Variants in ALKBH1 observed in about 807,000 individuals in gnomAD.
ALKBH1 encodes nucleic acid dioxygenase ALKBH1.
A neutral mutation model predicts 36.6 loss-of-function variants in ALKBH1; 31 were observed. That is an observed-to-expected ratio of 0.85 (90% CI 0.64 to 1.14). The LOEUF (loss-of-function observed/expected upper bound fraction) is 1.14, where lower values mean the gene tolerates loss of function less well. Among genes scored for constraint, ALKBH1 ranks in the 50% most tolerant of loss-of-function variants. ALKBH1 has a pLI of 0.00. For missense variants in ALKBH1, 490 were observed against 497.3 expected (o/e 0.99, Z 0.14); for synonymous variants, 183 against 186.6 (o/e 0.98, Z 0.16).
In ALKBH1 at chr14:77,707,895, G is replaced by T; in HGVS notation, c.110C>A (p.Thr37Asn). 1 of 1,613,526 alleles carries T rather than the reference G, an allele frequency of 6.2e-7. No homozygotes were observed. ...GTCGATGACCCCTTCCAGGTCTGCG[G>T]TCCCGGGCCGGCTCTGACGGTAGAA... ...FRFYRQSRPG[T>N]ADLEGVIDFS... The change falls in exon 1 of 6, where the codon ACC (threonine) becomes AAC (asparagine). Residue 37 changes from threonine (T) to asparagine (N), a missense_variant. By Grantham distance (65) the Thr-to-Asn change is moderately conservative. Transcript: ENST00000216489.
At position 77,673,934 on chromosome 14, in the gene ALKBH1, C is replaced by T; in HGVS notation, c.1048G>A (p.Asp350Asn). 1.2e-6 allele frequency: 2 copies of T among 1,614,178 alleles called. No individual in the cohort carries two copies. The highest frequency in any genetic ancestry group is 1.7e-6 in the Non-Finnish European group (2 of 1,180,042). Reference protein sequence around the residue: ...NMTVRQVLATDQNFPLEPIED... With the variant: ...NMTVRQVLATNQNFPLEPIED... ...ATGGGTTCTAGAGGGAAATTCTGGT[C>T]TGTGGCCAGGACCTGTCGGACAGTC... is the stretch of plus-strand genomic sequence containing the variant. Residue 350 changes from aspartate to asparagine, a missense_variant, in exon 6 of 6, where the codon GAC becomes AAC. Asp to Asn is a conservative substitution (Grantham distance 23). Coordinates refer to ENST00000216489, the MANE Select transcript of ALKBH1 (RefSeq NM_006020.3).
intron 3 of ALKBH1, chr14:77,683,605 T>TCTGTCACCTAGG (rs2080251030): frequency 1.0e-5 from 4 of 392,444 alleles, no homozygotes; most frequent in Non-Finnish European, 1.9e-5. Flanking sequence ...GCAGTCTTGC[T>TCTGTCACCTAGG]CTGTCACCTA....
rs2080201589 is a variant in ALKBH1, at chr14:77,675,722, T to G, written c.674A>C (p.Asp225Ala). Reference sequence around the variant, plus strand: ...GTCTACGTGGATTCCCAGTGTGGAGTCCAGGCGGTAGTAATTCAGGATCCC... The same window carrying G: ...GTCTACGTGGATTCCCAGTGTGGAGGCCAGGCGGTAGTAATTCAGGATCCC... ...EAGILNYYRLDSTLGIHVDRS... is the reference protein window; with the variant it reads ...EAGILNYYRLASTLGIHVDRS... Residue 225 changes from aspartate (D) to alanine (A), a missense_variant, in exon 5 of 6, where the codon GAC (aspartate) becomes GCC (alanine). Transcript: ENST00000216489. 2 of 1,614,022 alleles carry G rather than the reference T, an allele frequency of 1.2e-6. No individual in the cohort carries two copies. The highest frequency in any genetic ancestry group is 1.6e-4 in the Middle Eastern group (1 of 6,062).
chr14:77,706,104 C>CATAT (rs72210300), intron 1 of ALKBH1, among the ~76,000 whole-genome samples: 22,171 of 147,314 alleles, frequency 0.15, 1,800 homozygotes, highest in Middle Eastern at 0.22. Context: ...TATACACACA[C>CATAT]ACATATATAT....
chr14:77,685,607 G>A (rs1438214092), intron 3 of ALKBH1, among the ~76,000 whole-genome samples: 2 of 151,628 alleles, frequency 1.3e-5, no homozygotes, highest in Non-Finnish European at 2.9e-5. Context: ...GTGAAACCTC[G>A]TCTCTACTAA....
intron 4 of ALKBH1, 115 bp from the exon 5 acceptor site, chr14:77,675,964 T>C: frequency 4.6e-6 from 4 of 862,988 alleles, no homozygotes; most frequent in Non-Finnish European, 7.0e-6. Context: ...TATTAACATA[T>C]TAACACAGCA....
chr14:77,677,348 A>G (rs2139843609), intron 4 of ALKBH1, among the ~76,000 whole-genome samples: 1 of 152,216 alleles, frequency 6.6e-6, no homozygotes, highest in Non-Finnish European at 1.5e-5. Context: ...CCTGGCCATA[A>G]TACTCTCTAT....
In ALKBH1 at chr14:77,675,754, A is replaced by T; in HGVS notation, c.642T>A (p.Ala214=). The change falls in exon 5 of 6, where the codon GCT becomes GCA. Residue 214 remains alanine, a synonymous_variant. Coordinates refer to ENST00000216489, the MANE Select transcript of ALKBH1 (RefSeq NM_006020.3). ...GGTAGTAATTCAGGATCCCTGCTTC[A>T]GCTCGGAAATCCTCAAATCCACAGG... The part of the protein sequence containing the change: ...AAACGFEDFR[A]EAGILNYYRL... The T allele has an allele frequency of 6.2e-7, 1 of 1,614,174 alleles. No individual in the cohort carries two copies. The highest frequency in any genetic ancestry group is 8.5e-7 in the Non-Finnish European group (1 of 1,180,026).
intron 2 of ALKBH1, chr14:77,697,031 G>A (rs956679037): frequency 1.2e-5 from 2 of 173,414 alleles, no homozygotes; most frequent in African/African-American, 4.7e-5. Context: ...TGGGGCTGGT[G>A]GCCCAAAGCC....
At chr14:77,693,922 G>A (rs55909252) in intron 3 of ALKBH1, among the ~76,000 whole-genome samples, 24,363 of 152,032 alleles carry the variant, frequency 0.16, 2,013 homozygotes, top group East Asian at 0.25. Context: ...AGGAGGCAGA[G>A]GTTGCAGTGA....
At chr14:77,680,088 A>T in intron 3 of ALKBH1, 118 bp from the exon 4 acceptor site, 2 of 712,652 alleles carry the variant, frequency 2.8e-6, no homozygotes, top group Middle Eastern at 2.4e-4. Flanking sequence ...GCCAAGACTC[A>T]GTAGGAGAAA....
In ALKBH1 at chr14:77,694,861, T is replaced by C; in HGVS notation, c.332A>G (p.Gln111Arg). 1 of 1,583,094 alleles carries C rather than the reference T, an allele frequency of 6.3e-7. No individual in the cohort carries two copies. The highest frequency in any genetic ancestry group is 2.3e-5 in the East Asian group (1 of 43,696). ...FIPNPFLPGY[Q>R]WHWVKQCLKL... ...AAGGCACTGTTTCACCCAGTGCCACTGGTAACCTGGGAGGAAGGGGTTTGG... is the reference window on the plus strand; with the variant it reads ...AAGGCACTGTTTCACCCAGTGCCACCGGTAACCTGGGAGGAAGGGGTTTGG... The change falls in exon 3 of 6, where the codon CAG becomes CGG. Residue 111 changes from glutamine to arginine, a missense_variant. Physicochemically the swap from Gln to Arg is conservative, Grantham distance 43. Transcript: ENST00000216489.
At chr14:77,679,422 TGAGGA>T (rs956851570) in intron 4 of ALKBH1, among the ~76,000 whole-genome samples, 2 of 152,022 alleles carry the variant, frequency 1.3e-5, no homozygotes, top group Non-Finnish European at 2.9e-5. Context: ...TTGAGATACC[TGAGGA>T]GAGATTTTTT....
At chr14:77,680,372 C>G (rs904289505) in intron 3 of ALKBH1, among the ~76,000 whole-genome samples, 17 of 152,108 alleles carry the variant, frequency 1.1e-4, no homozygotes, top group African/African-American at 3.9e-4. Context: ...AAGCAGGGTA[C>G]AGTTAATCAC....
At chr14:77,698,059 G>A (rs2080337764) in intron 2 of ALKBH1, among the ~76,000 whole-genome samples, 2 of 152,178 alleles carry the variant, frequency 1.3e-5, no homozygotes, top group Non-Finnish European at 2.9e-5. Context: ...ACCTTGTCTG[G>A]AGAGGGGGCA....
chr14:77,701,484 G>A (rs546256356), intron 2 of ALKBH1, among the ~76,000 whole-genome samples: 1 of 152,216 alleles, frequency 6.6e-6, no homozygotes, highest in Admixed American at 6.5e-5. Context: ...TCTTGTGCAG[G>A]ACAATTTTTC....
intron 4 of ALKBH1, among the ~76,000 whole-genome samples, chr14:77,678,545 CAAA>C (rs35334986): frequency 0.36 from 42,625 of 118,338 alleles, 5,999 homozygotes; most frequent in African/African-American, 0.43. Context: ...AAGACCATTA[CAAA>C]AAAAAAAAAA....
At chr14:77,706,479 C>T (rs1270939802) in intron 1 of ALKBH1, among the ~76,000 whole-genome samples, 1 of 152,182 alleles carries the variant, frequency 6.6e-6, no homozygotes, top group African/African-American at 2.4e-5. Context: ...CTGTTAACCA[C>T]CACTTTCCCC....
chr14:77,706,616 G>C (rs543958036), intron 1 of ALKBH1, among the ~76,000 whole-genome samples: 2 of 152,244 alleles, frequency 1.3e-5, no homozygotes, highest in South Asian at 2.1e-4. Flanking sequence ...TACTGTTTTA[G>C]GTCCTGTACT....
Sources: gnomAD v4.1 joint callset for allele counts (sites outside exome capture counted in the v4.1 genomes callset) on GRCh38, gnomAD v4.1.1 for gene constraint, MANE v1.5 for transcripts, NCBI Gene and HGNC (gene_info 2026-07-23, HGNC 2026-07-21) for gene names.